The following SPG7 variants were observed in gnomAD, a reference collection of about 807,000 sequenced individuals.
SPG7 encodes mitochondrial inner membrane m-AAA protease component paraplegin.
In SPG7, 103 loss-of-function variants were observed where a neutral mutation model predicts 81.9. The ratio of observed to expected loss-of-function variants is 1.26; its 90% CI spans 1.07 to 1.48. The LOEUF (loss-of-function observed/expected upper bound fraction) is 1.48, where lower values mean the gene tolerates loss of function less well. Among genes scored for constraint, SPG7 ranks in the 40% most tolerant of loss-of-function variants. The pLI, the probability that SPG7 is intolerant of heterozygous loss-of-function variation, is 0.00. For missense variants in SPG7, 1,241 were observed against 1,087.3 expected (o/e 1.14, Z -1.99); for synonymous variants, 534 against 444.2 (o/e 1.20, Z -2.54).
chr16:89,554,366 G>T (rs1301848637), intron 15 of SPG7, 120 bp from the exon 16 acceptor site: 26 of 743,178 alleles, frequency 3.5e-5, no homozygotes, highest in Non-Finnish European at 7.1e-6. Context: ...GTCGGCTGAG[G>T]AGTCCTGTTC....
chr16:89,524,953 C>CTTT (rs34661848), intron 4 of SPG7, among the ~76,000 whole-genome samples: 38 of 118,928 alleles, frequency 3.2e-4, no homozygotes, highest in African/African-American at 4.3e-4. Flanking sequence ...TTTTCTTTTG[C>CTTT]TTTTTTTTTT....
chr16:89,532,754 A>T, intron 9 of SPG7, 118 bp downstream of exon 9: 1 of 1,246,190 alleles, frequency 8.0e-7, no homozygotes, highest in Non-Finnish European at 1.1e-6. Flanking sequence ...TGGGTGACAG[A>T]GTGAGACTCT....
At chr16:89,548,199 G>A in intron 12 of SPG7, 86 bp downstream of exon 12, 2 of 906,496 alleles carry the variant, frequency 2.2e-6, no homozygotes, top group Non-Finnish European at 1.8e-6. Context: ...GAGGTGAGGT[G>A]GATGGAACCA....
Position 89,553,102 on chromosome 16 carries a change from T to G in SPG7, c.1903T>G (p.Ser635Ala). ...RMCMALGGRASEALSFNEVTS... is the reference protein window; with the variant it reads ...RMCMALGGRAAEALSFNEVTS... The stretch of plus-strand genomic sequence containing the variant: ...GTGCATGGCCCTGGGAGGACGGGCC[T>G]CGGAAGCACTGTCCTTCAACGAGGT... The change falls in exon 14 of 17, where the codon TCG becomes GCG. Residue 635 changes from serine to alanine, a missense_variant. Coordinates refer to ENST00000645818, the MANE Select transcript of SPG7 (RefSeq NM_003119.4). 6.2e-7 allele frequency: 1 copy of G among 1,612,452 alleles called. No individual in the cohort carries two copies. Among genetic ancestry groups the G allele is most frequent in the East Asian group, 2.2e-5 (1 of 44,800 alleles).
chr16:89,544,550 GTCTC>G (rs560062637), intron 9 of SPG7, 94 bp from the exon 10 acceptor site: 3 of 1,422,446 alleles, frequency 2.1e-6, no homozygotes, highest in African/African-American at 1.4e-5. Flanking sequence ...CCTTAGGGGG[GTCTC>G]TCTCCCTCCT....
rs1305547007 is a variant in SPG7 at position 89,552,659 on chromosome 16, C to T, written c.1780-320C>T. On this transcript the variant is annotated intron_variant, in intron 13 of 16. Transcript: ENST00000645818. ...CTGTCGCTGGTGTGAGGGGTCAGCGCAGCGGCCATCGGGGGTGAAACTTGT... is the reference window on the plus strand; with the variant it reads ...CTGTCGCTGGTGTGAGGGGTCAGCGTAGCGGCCATCGGGGGTGAAACTTGT... 1.3e-5 allele frequency: 5 copies of T among 390,646 alleles called. No homozygotes were observed. In the East Asian group the frequency reaches 1.8e-4, roughly 14 times the overall value. The allele number at this position is 390,646 out of a possible 1,614,324, so 24.2% of individuals were successfully genotyped here.
intron 3 of SPG7, 36 bp downstream of exon 3, chr16:89,513,073 C>T: frequency 6.4e-7 from 1 of 1,568,060 alleles, no homozygotes; most frequent in East Asian, 2.4e-5. Flanking sequence ...CAGTAGCTGC[C>T]TCTGGATGTC....
At chr16:89,542,193 C>T (rs1458862748) in intron 9 of SPG7, 1 of 152,334 alleles carries the variant, frequency 6.6e-6, no homozygotes, top group Non-Finnish European at 1.5e-5. Flanking sequence ...TTACTTTTCC[C>T]ATTTTTTTCA....
chr16:89,549,408 C>T, intron 12 of SPG7: 1 of 365,248 alleles, frequency 2.7e-6, no homozygotes, highest in Non-Finnish European at 5.4e-6. Flanking sequence ...GCCTGTAATC[C>T]CAGCACTTTG....
rs774774648 is a variant in SPG7 at position 89,526,347 on chromosome 16, C to T, written c.637C>T (p.Arg213Ter). 70 of 1,613,936 alleles carry T rather than the reference C, an allele frequency of 4.3e-5. No homozygotes were observed. The highest frequency in any genetic ancestry group is 1.1e-4 in the East Asian group (5 of 44,894). Residue 213 changes from arginine (R) to a stop codon, truncating the protein, a stop_gained, in exon 5 of 17, where the codon CGA becomes TGA. Coordinates refer to ENST00000645818, the MANE Select transcript of SPG7 (RefSeq NM_003119.4). LOFTEE classifies it high-confidence loss of function. ...CCCCCAGCGGCTAGCCTTGATGTACCGAATGCAGGTTGCAAATATTGACAA... is the reference window on the plus strand; with the variant it reads ...CCCCCAGCGGCTAGCCTTGATGTACTGAATGCAGGTTGCAAATATTGACAA... The part of the protein sequence containing the change: ...FGRPRLALMY[R>*]MQVANIDKFE...
At position 89,508,411 on chromosome 16, in the gene SPG7, G is replaced by C. The variant is rs970277369; in HGVS notation, c.-7G>C. On this transcript the variant is annotated 5_prime_UTR_variant, in exon 1 of 17. Coordinates refer to ENST00000645818, the MANE Select transcript of SPG7 (RefSeq NM_003119.4). The stretch of plus-strand genomic sequence containing the variant: ...GCGGATCACGCAGGCGCGGCTTTCA[G>C]GCCAACATGGCCGTGCTGCTGCTGC... The C allele has an allele frequency of 1.3e-6, 2 of 1,482,082 alleles. No individual in the cohort carries two copies. The highest frequency in any genetic ancestry group is 2.3e-5 in the Admixed American group (1 of 44,092). The allele number at this position is 1,482,082 out of a possible 1,614,324, so 91.8% of individuals were successfully genotyped here.
intron 9 of SPG7, chr16:89,536,685 G>A: frequency 6.4e-7 from 1 of 1,560,484 alleles, no homozygotes; most frequent in Admixed American, 1.7e-5. Context: ...GGGCGAGGCG[G>A]GCGGCTGCGC....
intron 9 of SPG7, chr16:89,543,187 T>G (rs2058519531): frequency 6.6e-6 from 1 of 152,024 alleles, no homozygotes; most frequent in East Asian, 1.9e-4. Context: ...GACCTTGTGA[T>G]CCGCCCTCCT....
At chr16:89,512,587 A>C (rs950544859) in intron 2 of SPG7, among the ~76,000 whole-genome samples, 8 of 152,264 alleles carry the variant, frequency 5.3e-5, no homozygotes, top group Non-Finnish European at 8.8e-5. Context: ...CTGGGATTAC[A>C]GGCATGAGCC....
chr16:89,514,810 A>T (rs983392821), intron 3 of SPG7, among the ~76,000 whole-genome samples: 1 of 150,932 alleles, frequency 6.6e-6, no homozygotes, highest in Non-Finnish European at 1.5e-5. Context: ...CTTTTTGTAT[A>T]GTAGAGATGA....
At chr16:89,548,576 T>TCGGGGGTC in intron 12 of SPG7, 1 of 316,784 alleles carries the variant, frequency 3.2e-6, no homozygotes, top group Non-Finnish European at 6.2e-6. Context: ...GGTGTGGATC[T>TCGGGGGTC]GCAGCACCAC....
intron 9 of SPG7, among the ~76,000 whole-genome samples, chr16:89,534,361 C>T (rs2058384530): frequency 6.6e-6 from 1 of 152,198 alleles, no homozygotes; most frequent in African/African-American, 2.4e-5. Context: ...CTGAACGATG[C>T]TGCCTTGTGT....
At position 89,508,508 on chromosome 16, in the gene SPG7, C is replaced by T; in HGVS notation, c.91C>T (p.Pro31Ser). The T allele has an allele frequency of 2.0e-6, 3 of 1,514,900 alleles. No homozygotes were observed. The highest frequency in any genetic ancestry group is 2.6e-6 in the Non-Finnish European group (3 of 1,137,684). The allele number at this position is 1,514,900 out of a possible 1,614,324, so 93.8% of individuals were successfully genotyped here. A position where few individuals can be genotyped will look rare whatever the true frequency, so the allele number is the denominator to read the frequency against. ...GTGGGGCCCAGGCCCGGCCTGGAGT[C>T]CAGGGTTCCCCGCCAGGCCCGGGAG... ...PLWGPGPAWS[P>S]GFPARPGRGR... is the part of the protein sequence containing the mutation. The change falls in exon 1 of 17, where the codon CCA (proline) becomes TCA (serine). Residue 31 changes from proline to serine, a missense_variant. Transcript: ENST00000645818.
rs915861077 is a variant in SPG7 at position 89,552,897 on chromosome 16, G to A, written c.1780-82G>A. On this transcript the variant is annotated intron_variant, in intron 13 of 16. Coordinates refer to ENST00000645818, the MANE Select transcript of SPG7 (RefSeq NM_003119.4). ...TCCTGCTTTGAGACGCTTTAATGACGGAGACCTCTTAGTCCCACACCTTCC... is the reference window on the plus strand; with the variant it reads ...TCCTGCTTTGAGACGCTTTAATGACAGAGACCTCTTAGTCCCACACCTTCC... The A allele has an allele frequency of 2.8e-5, 38 of 1,363,978 alleles. 1 individual carries two copies. The Middle Eastern group carries it at 1.8e-3, about 63-fold the overall frequency. 84.5% of individuals were successfully genotyped at this position (1,363,978 alleles called of 1,614,324 possible). A position where few individuals can be genotyped will look rare whatever the true frequency, so the allele number is the denominator to read the frequency against.
Sources: gnomAD v4.1 joint callset for allele counts (sites outside exome capture counted in the v4.1 genomes callset) on GRCh38, gnomAD v4.1.1 for gene constraint, MANE v1.5 for transcripts, NCBI Gene and HGNC (gene_info 2026-07-23, HGNC 2026-07-21) for gene names.